MALRD1: variants seen among roughly 807,000 people sequenced by gnomAD.
MALRD1 encodes the protein MAM and LDL-receptor class A domain-containing protein 1.
A neutral mutation model predicts 242.1 loss-of-function variants in MALRD1; 247 were observed. The ratio of observed to expected loss-of-function variants is 1.02; its 90% CI spans 0.92 to 1.13. The LOEUF (loss-of-function observed/expected upper bound fraction) is 1.13. MALRD1 is among the 50% of genes most tolerant of loss of function. The pLI is 0.00. For missense variants in MALRD1, 2,989 were observed against 2,533.1 expected, an observed-to-expected ratio of 1.18 and a Z score of -3.86; for synonymous variants, 995 against 866.6, an observed-to-expected ratio of 1.15 and a Z score of -2.60.
intron 38 of MALRD1, among the ~76,000 whole-genome samples, chr10:19,729,718 A>ATT (rs1347221983): frequency 4.3e-4 from 43 of 98,992 alleles, no homozygotes; most frequent in Non-Finnish European, 6.7e-4. Context: ...AAGTCTATTA[A>ATT]TTCTTTTTTT....
chr10:19,231,724 C>T (rs1346162919), intron 18 of MALRD1, among the ~76,000 whole-genome samples: 6 of 152,088 alleles, frequency 3.9e-5, no homozygotes, highest in Non-Finnish European at 8.8e-5. Flanking sequence ...TTCATTAAAC[C>T]TCTTTCCTTT....
At chr10:19,217,199 T>C (rs1299913866) in intron 18 of MALRD1, among the ~76,000 whole-genome samples, 1 of 152,128 alleles carries the variant, frequency 6.6e-6, no homozygotes, top group Non-Finnish European at 1.5e-5. Flanking sequence ...TAAAACCCAT[T>C]GGTGGCTTTC....
intron 28 of MALRD1, among the ~76,000 whole-genome samples, chr10:19,449,238 G>A (rs566328047): frequency 3.4e-4 from 51 of 152,212 alleles, no homozygotes; most frequent in African/African-American, 1.2e-3. Context: ...GTGCAGTGGC[G>A]CGATCTCAGC....
chr10:19,449,209 A>C (rs1363348627), intron 28 of MALRD1, among the ~76,000 whole-genome samples: 3 of 152,064 alleles, frequency 2.0e-5, no homozygotes, highest in African/African-American at 7.2e-5. Flanking sequence ...GCAGAGTCTC[A>C]CTCTGTTGCC....
chr10:19,087,335 T>C (rs1835702772), intron 2 of MALRD1, among the ~76,000 whole-genome samples: 1 of 152,082 alleles, frequency 6.6e-6, no homozygotes. Flanking sequence ...ATAATCATAT[T>C]ATAGGGAGTA....
At chr10:19,163,940 G>T (rs72790787) in intron 12 of MALRD1, among the ~76,000 whole-genome samples, 1 of 152,116 alleles carries the variant, frequency 6.6e-6, no homozygotes, top group South Asian at 2.1e-4. Context: ...TGACAGCTCA[G>T]AATTCTGATG....
At chr10:19,071,752 A>T (rs986322536) in intron 2 of MALRD1, among the ~76,000 whole-genome samples, 1 of 152,104 alleles carries the variant, frequency 6.6e-6, no homozygotes, top group African/African-American at 2.4e-5. Context: ...GGGTTCTTTT[A>T]TTAAGAAGAA....
intron 12 of MALRD1, among the ~76,000 whole-genome samples, chr10:19,157,179 A>G (rs1038700506): frequency 1.3e-5 from 2 of 152,112 alleles, no homozygotes; most frequent in African/African-American, 4.8e-5. Flanking sequence ...TGAGATACAC[A>G]TAGCTAAGGT....
chr10:19,433,882 A>G (rs917376394), intron 28 of MALRD1, among the ~76,000 whole-genome samples: 2 of 151,966 alleles, frequency 1.3e-5, no homozygotes, highest in Admixed American at 1.3e-4. Context: ...ACACACACAC[A>G]CACACACGCG....
chr10:19,414,357 A>G (rs1184658402), intron 28 of MALRD1, among the ~76,000 whole-genome samples: 2 of 152,176 alleles, frequency 1.3e-5, no homozygotes, highest in African/African-American at 4.8e-5. Context: ...TTTAAAAAAT[A>G]TATTGTTAAG....
At chr10:19,529,972 G>T (rs1043724982) in intron 31 of MALRD1, among the ~76,000 whole-genome samples, 1 of 151,960 alleles carries the variant, frequency 6.6e-6, no homozygotes, top group South Asian at 2.1e-4. Flanking sequence ...GTAGACATCA[G>T]TTCTTCCCAA....
At chr10:19,465,874 A>C (rs10827483) in intron 29 of MALRD1, among the ~76,000 whole-genome samples, 34,232 of 151,908 alleles carry the variant, frequency 0.23, 4,767 homozygotes, top group South Asian at 0.38. Flanking sequence ...TAATTCAAAA[A>C]CCTAAACCTT....
intron 33 of MALRD1, among the ~76,000 whole-genome samples, chr10:19,590,008 C>G (rs1280270066): frequency 6.6e-6 from 1 of 152,074 alleles, no homozygotes; most frequent in African/African-American, 2.4e-5. Context: ...CGGTCACTGG[C>G]CTTACACCTC....
At chr10:19,234,341 C>T (rs1051089171) in intron 18 of MALRD1, among the ~76,000 whole-genome samples, 11 of 151,702 alleles carry the variant, frequency 7.3e-5, no homozygotes, top group Admixed American at 2.0e-4. Context: ...TTTTTATATG[C>T]TGACATGAAT....
intron 36 of MALRD1, among the ~76,000 whole-genome samples, chr10:19,669,057 G>A (rs1841802665): frequency 6.6e-6 from 1 of 152,318 alleles, no homozygotes; most frequent in South Asian, 2.1e-4. Flanking sequence ...ATCTGTGAAT[G>A]TAACTGTCCA....
At chr10:19,061,914 C>T (rs1478141759) in intron 1 of MALRD1, among the ~76,000 whole-genome samples, 1 of 152,118 alleles carries the variant, frequency 6.6e-6, no homozygotes, top group Non-Finnish European at 1.5e-5. Flanking sequence ...GGCAACAAAA[C>T]AGATACATTG....
chr10:19,421,342 G>A (rs1833712207), intron 28 of MALRD1, among the ~76,000 whole-genome samples: 1 of 152,168 alleles, frequency 6.6e-6, no homozygotes. Context: ...TCTAAGCACT[G>A]ACATTCCAAT....
chr10:19,306,894 A>G (rs1842236081), intron 21 of MALRD1, among the ~76,000 whole-genome samples: 1 of 151,328 alleles, frequency 6.6e-6, no homozygotes, highest in Admixed American at 6.6e-5. Context: ...GCATGGGAGT[A>G]ACTGTCCCCA....
intron 35 of MALRD1, among the ~76,000 whole-genome samples, chr10:19,610,454 C>G (rs1838843053): frequency 1.3e-5 from 2 of 151,896 alleles, no homozygotes. Context: ...GATAGATTTT[C>G]CTGCAGTCCC....
Sources: allele counts gnomAD v4.1 joint callset (sites outside exome capture counted in the v4.1 genomes callset), GRCh38; gene constraint gnomAD v4.1.1; transcripts MANE v1.5; gene names NCBI Gene and HGNC (gene_info 2026-07-23, HGNC 2026-07-21).